Variants in LINGO2 observed in about 807,000 individuals in gnomAD.
LINGO2 encodes the protein leucine rich repeat and Ig domain containing 2.
A neutral mutation model predicts 30.6 loss-of-function variants in LINGO2; 14 were observed. That is an observed-to-expected ratio of 0.46 (90% confidence interval 0.30 to 0.72). LINGO2 has a LOEUF of 0.72. Ranked by LOEUF, LINGO2 falls within the 30% of genes least tolerant of loss-of-function variation. The pLI, the probability that LINGO2 is intolerant of heterozygous loss-of-function variation, is 0.07. For missense variants in LINGO2, 729 were observed against 751.7 expected, an observed-to-expected ratio of 0.97 and a Z score of 0.35; for synonymous variants, 317 against 288.5, an observed-to-expected ratio of 1.10 and a Z score of -1.00.
intron 4 of LINGO2, among the ~76,000 whole-genome samples, chr9:28,271,854 G>A (rs1422605038): frequency 6.6e-6 from 1 of 152,152 alleles, no homozygotes; most frequent in Non-Finnish European, 1.5e-5. Context: ...CTAGGAATTT[G>A]TTAGAAAATA....
At chr9:28,985,837 C>A in the LINGO2 span, among the ~76,000 whole-genome samples, 1 of 151,958 alleles carries the variant, frequency 6.6e-6, no homozygotes, top group Non-Finnish European at 1.5e-5. Context: ...CTGCTCTTTC[C>A]TCTGATGTGC....
chr9:28,641,302 C>T (rs992194840), intron 1 of LINGO2, among the ~76,000 whole-genome samples: 30 of 152,100 alleles, frequency 2.0e-4, no homozygotes, highest in Admixed American at 1.2e-3. Context: ...TCCCAAAGTG[C>T]TAGGATTACA....
chr9:29,077,810 C>A, the LINGO2 span, among the ~76,000 whole-genome samples: 1 of 151,188 alleles, frequency 6.6e-6, no homozygotes, highest in Non-Finnish European at 1.5e-5. Context: ...CACAGGCACA[C>A]AGAATTATTT....
chr9:28,955,029 T>C, the LINGO2 span, among the ~76,000 whole-genome samples: 1 of 151,666 alleles, frequency 6.6e-6, no homozygotes, highest in African/African-American at 2.4e-5. Context: ...GGGACAGAGA[T>C]AGAGAAAGAA....
chr9:28,868,620 C>T, the LINGO2 span, among the ~76,000 whole-genome samples: 1 of 151,924 alleles, frequency 6.6e-6, no homozygotes, highest in Non-Finnish European at 1.5e-5. Context: ...AATGAGTGCC[C>T]CTTTGGAAAG....
intron 2 of LINGO2, among the ~76,000 whole-genome samples, chr9:28,404,489 G>A (rs2134765076): frequency 6.6e-6 from 1 of 152,174 alleles, no homozygotes; most frequent in Non-Finnish European, 1.5e-5. Context: ...AGAATATTCT[G>A]TCAGAAATGA....
chr9:28,199,357 T>G (rs1820139307), intron 4 of LINGO2, among the ~76,000 whole-genome samples: 1 of 150,462 alleles, frequency 6.6e-6, no homozygotes. Flanking sequence ...TTTTTTTTTT[T>G]GAGACGGAGT....
chr9:28,150,956 T>C (rs759792372), intron 4 of LINGO2, among the ~76,000 whole-genome samples: 7 of 152,224 alleles, frequency 4.6e-5, no homozygotes, highest in Admixed American at 1.3e-4. Context: ...CAAAGTTAAA[T>C]TCTTTTATCC....
At chr9:28,229,968 G>C (rs1433633612) in intron 4 of LINGO2, among the ~76,000 whole-genome samples, 1 of 151,622 alleles carries the variant, frequency 6.6e-6, no homozygotes, top group African/African-American at 2.4e-5. Context: ...GGCAATAAAA[G>C]AAAAACTAAC....
intron 4 of LINGO2, among the ~76,000 whole-genome samples, chr9:28,041,364 C>T (rs375676468): frequency 1.3e-4 from 20 of 152,244 alleles, no homozygotes; most frequent in East Asian, 7.7e-4. Flanking sequence ...TCATACTGTA[C>T]GGAGTGAGTG....
chr9:28,717,759 T>C, the LINGO2 span, among the ~76,000 whole-genome samples: 1 of 152,046 alleles, frequency 6.6e-6, no homozygotes, highest in Non-Finnish European at 1.5e-5. Flanking sequence ...TGTTTTTATA[T>C]GACTCCTCGC....
the LINGO2 span, among the ~76,000 whole-genome samples, chr9:28,689,215 C>T: frequency 6.6e-6 from 1 of 152,090 alleles, no homozygotes; most frequent in Non-Finnish European, 1.5e-5. Context: ...CTGTTAGGAG[C>T]TGAGGAGAAT....
chr9:29,062,993 A>C, the LINGO2 span, among the ~76,000 whole-genome samples: 7,144 of 152,240 alleles, frequency 0.047, 231 homozygotes, highest in East Asian at 0.1. Context: ...GCCCTACTGG[A>C]CATCCTATAT....
the LINGO2 span, among the ~76,000 whole-genome samples, chr9:28,861,562 A>T: frequency 6.6e-6 from 1 of 150,826 alleles, no homozygotes; most frequent in African/African-American, 2.4e-5. Context: ...GTATCTAGTG[A>T]GATTGTGTTG....
exon 6 of LINGO2, chr9:27,949,989 T>C: frequency 1.9e-6 from 3 of 1,614,098 alleles, no homozygotes; most frequent in Non-Finnish European, 2.5e-6. Context: ...CTCTAGGTGT[T>C]TCAGGTGGAA....
At chr9:28,790,650 T>C in the LINGO2 span, among the ~76,000 whole-genome samples, 1 of 152,018 alleles carries the variant, frequency 6.6e-6, no homozygotes, top group African/African-American at 2.4e-5. Flanking sequence ...ACGCATCTTA[T>C]AGGCACTGTA....
the LINGO2 span, among the ~76,000 whole-genome samples, chr9:28,856,493 A>G: frequency 6.6e-6 from 1 of 152,062 alleles, no homozygotes; most frequent in African/African-American, 2.4e-5. Flanking sequence ...TCCCCAGAGA[A>G]GTAACATCTG....
At chr9:29,077,615 T>A in the LINGO2 span, among the ~76,000 whole-genome samples, 5 of 152,040 alleles carry the variant, frequency 3.3e-5, no homozygotes, top group Non-Finnish European at 7.4e-5. Flanking sequence ...AGATTTTAGT[T>A]ATGTTTTAAC....
chr9:28,653,904 A>G (rs990487158), intron 1 of LINGO2, among the ~76,000 whole-genome samples: 1 of 152,126 alleles, frequency 6.6e-6, no homozygotes, highest in South Asian at 2.1e-4. Context: ...GTAGTATTTT[A>G]AAACAATCTA....
Sources: gnomAD v4.1 joint callset for allele counts (sites outside exome capture counted in the v4.1 genomes callset) on GRCh38, gnomAD v4.1.1 for gene constraint, MANE v1.5 for transcripts, NCBI Gene and HGNC (gene_info 2026-07-23, HGNC 2026-07-21) for gene names.